SOX5: variants seen among roughly 807,000 people sequenced by gnomAD.
SOX5 encodes SRY-box transcription factor 5, also known as transcription factor SOX-5.
In SOX5, 9 loss-of-function variants were observed where a neutral mutation model predicts 92.0. That is an observed-to-expected ratio of 0.10 (90% confidence interval 0.06 to 0.17). The LOEUF is 0.17. SOX5 is among the 10% of genes least tolerant of loss of function. The pLI, the probability that SOX5 is intolerant of heterozygous loss-of-function variation, is 1.00. For synonymous variants in SOX5, 344 were observed against 336.3 expected (o/e 1.02, Z -0.25); for missense variants, 642 against 944.5 (o/e 0.68, Z 4.20).
chr12:24,116,960 T>A, intron 4 of SOX5, among the ~76,000 whole-genome samples: 1 of 138,966 alleles, frequency 7.2e-6, no homozygotes. Flanking sequence ...CTTTATCCAA[T>A]TATCTAAAAA....
chr12:24,486,671 CAG>C (rs1451239614), intron 1 of SOX5, among the ~76,000 whole-genome samples: 19 of 152,150 alleles, frequency 1.2e-4, no homozygotes, highest in African/African-American at 4.3e-4. Context: ...TAGAATGTAA[CAG>C]AGTAGTTTCA....
At chr12:24,038,984 T>C (rs949460592) in intron 4 of SOX5, among the ~76,000 whole-genome samples, 19 of 152,198 alleles carry the variant, frequency 1.2e-4, no homozygotes, top group African/African-American at 4.3e-4. Flanking sequence ...ATTCACTACA[T>C]GTTCTTCTTA....
chr12:23,629,836 T>C (rs1045883541), intron 8 of SOX5, among the ~76,000 whole-genome samples: 12 of 151,934 alleles, frequency 7.9e-5, no homozygotes, highest in African/African-American at 2.9e-4. Flanking sequence ...AATGCTTAGC[T>C]CAATAGCTTA....
At chr12:23,689,954 A>G (rs1050768229) in intron 6 of SOX5, among the ~76,000 whole-genome samples, 2 of 152,170 alleles carry the variant, frequency 1.3e-5, no homozygotes, top group African/African-American at 4.8e-5. Context: ...TCTTGTTGAT[A>G]TTGTTTATTT....
At chr12:23,827,155 A>C (rs528880905) in intron 3 of SOX5, among the ~76,000 whole-genome samples, 2 of 152,326 alleles carry the variant, frequency 1.3e-5, no homozygotes, top group East Asian at 3.9e-4. Context: ...TACATTTCTT[A>C]GAAGGAGTTA....
intron 6 of SOX5, among the ~76,000 whole-genome samples, chr12:23,674,336 A>ATTTTTTCTTTTTT (rs2085292574): frequency 1.0e-5 from 1 of 97,384 alleles, no homozygotes; most frequent in Non-Finnish European, 1.9e-5. Flanking sequence ...ATAAAAAGGA[A>ATTTTTTCTTTTTT]TTTTTTTTTT....
intron 3 of SOX5, among the ~76,000 whole-genome samples, chr12:23,765,094 A>C (rs910073647): frequency 1.3e-5 from 2 of 151,932 alleles, no homozygotes; most frequent in African/African-American, 2.4e-5. Flanking sequence ...AATTTAAAAA[A>C]CCCTCTGATT....
chr12:23,581,200 T>C (rs1949999883), intron 9 of SOX5, among the ~76,000 whole-genome samples: 1 of 151,924 alleles, frequency 6.6e-6, no homozygotes, highest in African/African-American at 2.4e-5. Context: ...TGTTAAGGAG[T>C]TTTAATAGAG....
intron 8 of SOX5, among the ~76,000 whole-genome samples, chr12:23,618,864 T>C (rs981798592): frequency 1.3e-5 from 2 of 152,056 alleles, no homozygotes; most frequent in African/African-American, 4.8e-5. Context: ...AGAGGTGGAA[T>C]CCCCCACCTG....
intron 1 of SOX5, among the ~76,000 whole-genome samples, chr12:24,420,850 A>C (rs1246346764): frequency 6.6e-6 from 1 of 152,162 alleles, no homozygotes. Context: ...TATCTGATCA[A>C]CTCTCTGGAG....
At chr12:24,458,825 G>A (rs1377928563) in intron 1 of SOX5, among the ~76,000 whole-genome samples, 3 of 152,078 alleles carry the variant, frequency 2.0e-5, no homozygotes, top group Non-Finnish European at 4.4e-5. Flanking sequence ...CAACTAAATG[G>A]AGCCATGTTT....
intron 1 of SOX5, among the ~76,000 whole-genome samples, chr12:24,451,947 TCTC>T (rs1942372644): frequency 1.3e-5 from 2 of 152,190 alleles, no homozygotes; most frequent in Admixed American, 6.5e-5. Context: ...CACTTTCACA[TCTC>T]CTGCAAGATC....
chr12:23,731,261 G>T (rs144309772), intron 6 of SOX5, among the ~76,000 whole-genome samples: 2 of 152,106 alleles, frequency 1.3e-5, no homozygotes, highest in African/African-American at 4.8e-5. Context: ...GAACCATGCC[G>T]CCAGCCTCCC....
chr12:24,128,481 G>T (rs371493255), intron 4 of SOX5, among the ~76,000 whole-genome samples: 1 of 152,130 alleles, frequency 6.6e-6, no homozygotes, highest in Non-Finnish European at 1.5e-5. Flanking sequence ...AAGAGTGAGC[G>T]ACAATTTAGA....
chr12:24,320,735 G>A (rs1412931387), intron 2 of SOX5, among the ~76,000 whole-genome samples: 1 of 151,800 alleles, frequency 6.6e-6, no homozygotes, highest in Non-Finnish European at 1.5e-5. Context: ...CATGGTGGTG[G>A]GCACCTGTAG....
intron 2 of SOX5, among the ~76,000 whole-genome samples, chr12:24,306,501 T>C (rs1296083029): frequency 1.3e-5 from 2 of 152,118 alleles, no homozygotes; most frequent in South Asian, 2.1e-4. Flanking sequence ...CCCATGACCA[T>C]AAGGAAGTGC....
At chr12:24,317,784 T>C (rs1949836147) in intron 2 of SOX5, among the ~76,000 whole-genome samples, 2 of 152,212 alleles carry the variant, frequency 1.3e-5, no homozygotes. Flanking sequence ...TCATAATTCA[T>C]CACTTAACCT....
intron 6 of SOX5, among the ~76,000 whole-genome samples, chr12:23,669,035 C>A (rs1039189060): frequency 1.4e-5 from 1 of 69,334 alleles, no homozygotes; most frequent in Non-Finnish European, 2.8e-5. Flanking sequence ...ATCGGAATTT[C>A]ATTACATGTC....
intron 4 of SOX5, among the ~76,000 whole-genome samples, chr12:23,958,269 C>A (rs1279630227): frequency 4.0e-5 from 6 of 151,796 alleles, no homozygotes; most frequent in Non-Finnish European, 8.8e-5. Flanking sequence ...GAGTGTGTGC[C>A]CTGAATTTTA....
Sources: allele counts gnomAD v4.1 joint callset (sites outside exome capture counted in the v4.1 genomes callset), GRCh38; gene constraint gnomAD v4.1.1; transcripts MANE v1.5; gene names NCBI Gene and HGNC (gene_info 2026-07-23, HGNC 2026-07-21).